The following TENM3 variants were observed in gnomAD, a reference collection of about 807,000 sequenced individuals.
The protein encoded by TENM3 is teneurin transmembrane protein 3.
In TENM3, 63 loss-of-function variants were observed where a neutral mutation model predicts 255.1. The ratio of observed to expected loss-of-function variants is 0.25; its 90% CI spans 0.20 to 0.30. The LOEUF (loss-of-function observed/expected upper bound fraction) is 0.30, where lower values mean the gene tolerates loss of function less well. TENM3 is among the 10% of genes least tolerant of loss of function. The pLI is 1.00. For synonymous variants in TENM3, 1,306 were observed against 1,322.3 expected (o/e 0.99, Z 0.27); for missense variants, 2,929 against 3,461.1 (o/e 0.85, Z 3.86).
At chr4:182,275,655 G>C (rs1434670960) in intron 1 of TENM3, among the ~76,000 whole-genome samples, 1 of 152,130 alleles carries the variant, frequency 6.6e-6, no homozygotes, top group Non-Finnish European at 1.5e-5. Context: ...AGATGTTATG[G>C]GGCAGGTGTG....
intron 3 of TENM3, among the ~76,000 whole-genome samples, chr4:182,474,650 T>C (rs935250410): frequency 6.6e-6 from 1 of 152,204 alleles, no homozygotes; most frequent in African/African-American, 2.4e-5. Flanking sequence ...TGTTAAACTG[T>C]TTTGTTTCTG....
At chr4:181,932,054 C>G in the TENM3 span, among the ~76,000 whole-genome samples, 13 of 152,124 alleles carry the variant, frequency 8.5e-5, no homozygotes, top group African/African-American at 2.9e-4. Flanking sequence ...AACCTAAAAT[C>G]ATCAAAACCC....
the TENM3 span, among the ~76,000 whole-genome samples, chr4:181,818,808 G>T: frequency 6.6e-6 from 1 of 151,962 alleles, no homozygotes; most frequent in Non-Finnish European, 1.5e-5. Flanking sequence ...TCACCACTTT[G>T]GCCAGGCTAG....
At chr4:182,456,908 C>A (rs1327774138) in intron 3 of TENM3, among the ~76,000 whole-genome samples, 1 of 152,156 alleles carries the variant, frequency 6.6e-6, no homozygotes, top group African/African-American at 2.4e-5. Context: ...CTGGGCCCGG[C>A]ATGGTGGCTC....
At chr4:182,397,592 G>T (rs923851290) in intron 3 of TENM3, among the ~76,000 whole-genome samples, 1 of 151,988 alleles carries the variant, frequency 6.6e-6, no homozygotes, top group Non-Finnish European at 1.5e-5. Flanking sequence ...AGTTATCCCA[G>T]GCTGAGAAAG....
chr4:181,731,213 C>T, the TENM3 span, among the ~76,000 whole-genome samples: 13 of 152,164 alleles, frequency 8.5e-5, no homozygotes, highest in Non-Finnish European at 1.3e-4. Context: ...TTCTGCATAA[C>T]TGTATTAAAT....
chr4:181,911,281 G>A, the TENM3 span, among the ~76,000 whole-genome samples: 1 of 152,142 alleles, frequency 6.6e-6, no homozygotes, highest in Non-Finnish European at 1.5e-5. Context: ...GGAAAATTGG[G>A]CGTCTTCAAT....
chr4:181,984,789 C>CGTGT, the TENM3 span, among the ~76,000 whole-genome samples: 3,837 of 138,540 alleles, frequency 0.028, 91 homozygotes, highest in Non-Finnish European at 0.037. Flanking sequence ...CTAAAAGAGT[C>CGTGT]GTGTGTGTGT....
chr4:181,686,371 T>A, the TENM3 span, among the ~76,000 whole-genome samples: 4 of 152,214 alleles, frequency 2.6e-5, no homozygotes, highest in African/African-American at 9.6e-5. Context: ...TGCCACTTAA[T>A]TGTTGTTGAA....
intron 2 of TENM3, among the ~76,000 whole-genome samples, 193 bp from the exon 3 acceptor site, chr4:182,346,458 G>A (rs1240851657): frequency 2.0e-5 from 3 of 151,996 alleles, no homozygotes; most frequent in East Asian, 1.9e-4. Context: ...TTGGGGCCCC[G>A]CCCTCCTCCC....
At chr4:182,016,808 T>C in the TENM3 span, among the ~76,000 whole-genome samples, 6 of 152,234 alleles carry the variant, frequency 3.9e-5, no homozygotes. Flanking sequence ...GTTATTAGTA[T>C]TCACTTTAGA....
intron 7 of TENM3, among the ~76,000 whole-genome samples, chr4:182,679,381 T>C (rs1755930749): frequency 3.3e-5 from 5 of 152,162 alleles, no homozygotes; most frequent in Admixed American, 3.3e-4. Context: ...CCTAAACTCA[T>C]CAAACTTTTG....
the TENM3 span, among the ~76,000 whole-genome samples, chr4:181,982,346 G>GA: frequency 6.6e-6 from 1 of 152,050 alleles, no homozygotes; most frequent in Non-Finnish European, 1.5e-5. Context: ...TCTTCAATAG[G>GA]AAAAAAGAAA....
chr4:181,947,916 G>A, the TENM3 span, among the ~76,000 whole-genome samples: 1 of 152,056 alleles, frequency 6.6e-6, no homozygotes, highest in Admixed American at 6.6e-5. Flanking sequence ...GAAAAGTTTA[G>A]ATTCAAACAA....
intron 3 of TENM3, among the ~76,000 whole-genome samples, chr4:182,591,061 CTT>C (rs1325552539): frequency 6.6e-6 from 1 of 152,116 alleles, no homozygotes; most frequent in African/African-American, 2.4e-5. Context: ...ATGGATATAA[CTT>C]CAGTGCCTAG....
chr4:181,871,656 AT>A, the TENM3 span, among the ~76,000 whole-genome samples: 1 of 152,118 alleles, frequency 6.6e-6, no homozygotes, highest in African/African-American at 2.4e-5. Context: ...AAAGGAAAAA[AT>A]ATTCAATATT....
chr4:182,765,216 G>T (rs562072203), intron 22 of TENM3, among the ~76,000 whole-genome samples: 1 of 152,148 alleles, frequency 6.6e-6, no homozygotes, highest in Admixed American at 6.5e-5. Flanking sequence ...GAAGCTATAA[G>T]TGTGAATAAA....
At chr4:182,030,011 T>G in the TENM3 span, among the ~76,000 whole-genome samples, 1 of 148,842 alleles carries the variant, frequency 6.7e-6, no homozygotes. Flanking sequence ...TTTTTTTCTT[T>G]TTTTTTTTTG....
At chr4:181,934,243 G>A in the TENM3 span, among the ~76,000 whole-genome samples, 24 of 152,082 alleles carry the variant, frequency 1.6e-4, no homozygotes, top group African/African-American at 5.6e-4. Context: ...TTCCTTTTGA[G>A]TATGACTTGA....
Sources: gnomAD v4.1 joint callset for allele counts (sites outside exome capture counted in the v4.1 genomes callset) on GRCh38, gnomAD v4.1.1 for gene constraint, MANE v1.5 for transcripts, NCBI Gene and HGNC (gene_info 2026-07-23, HGNC 2026-07-21) for gene names.